The following GLIS3 variants were observed in gnomAD, a reference collection of about 807,000 sequenced individuals.
The protein encoded by GLIS3 is zinc finger protein GLIS3.
In GLIS3, 53 loss-of-function variants were observed where a neutral mutation model predicts 78.6. That is an observed-to-expected ratio of 0.67 (90% confidence interval 0.54 to 0.85). The LOEUF is 0.85. Among genes scored for constraint, GLIS3 ranks in the 40% least tolerant of loss-of-function variants. The pLI, the probability that GLIS3 is intolerant of heterozygous loss-of-function variation, is 0.00. For synonymous variants in GLIS3, 684 were observed against 509.9 expected, an observed-to-expected ratio of 1.34 and a Z score of -4.60; for missense variants, 1,703 against 1,231.1, an observed-to-expected ratio of 1.38 and a Z score of -5.74.
chr9:4,250,977 C>CAGTTTG (rs1554636352), intron 2 of GLIS3, among the ~76,000 whole-genome samples: 1 of 151,974 alleles, frequency 6.6e-6, no homozygotes, highest in Admixed American at 6.6e-5. Context: ...GTCTGGGAGA[C>CAGTTTG]TTATGATTTC....
intron 2 of GLIS3, among the ~76,000 whole-genome samples, chr9:4,176,630 T>A (rs1017975700): frequency 6.6e-6 from 1 of 152,188 alleles, no homozygotes; most frequent in Non-Finnish European, 1.5e-5. Context: ...CTTTTTCTCC[T>A]TTTTTATCTT....
chr9:4,215,241 A>G (rs954263653), intron 2 of GLIS3, among the ~76,000 whole-genome samples: 3 of 152,172 alleles, frequency 2.0e-5, no homozygotes, highest in Non-Finnish European at 4.4e-5. Flanking sequence ...AAAGTCTCCA[A>G]TTAAAACTGG....
intron 2 of GLIS3, among the ~76,000 whole-genome samples, chr9:4,192,321 G>A (rs1283407290): frequency 6.6e-6 from 1 of 152,140 alleles, no homozygotes; most frequent in Admixed American, 6.5e-5. Flanking sequence ...AAAATGAAAA[G>A]GTGACACCTC....
intron 2 of GLIS3, among the ~76,000 whole-genome samples, chr9:4,194,975 G>C (rs966872928): frequency 6.6e-6 from 1 of 151,950 alleles, no homozygotes; most frequent in Non-Finnish European, 1.5e-5. Flanking sequence ...AGCCACAAAG[G>C]CATTTTAGTC....
intron 7 of GLIS3, among the ~76,000 whole-genome samples, chr9:3,880,322 T>C (rs942459872): frequency 1.3e-5 from 2 of 152,230 alleles, no homozygotes; most frequent in African/African-American, 4.8e-5. Flanking sequence ...GAACGGTATG[T>C]GACCTCAAAC....
intron 2 of GLIS3, among the ~76,000 whole-genome samples, chr9:4,192,831 G>A (rs1208064630): frequency 6.6e-6 from 1 of 151,280 alleles, no homozygotes; most frequent in Non-Finnish European, 1.5e-5. Context: ...AGAAGAAGAA[G>A]AAAGGAAGAG....
chr9:4,337,757 A>T (rs964943282), intron 2 of GLIS3, among the ~76,000 whole-genome samples: 12 of 152,170 alleles, frequency 7.9e-5, no homozygotes, highest in African/African-American at 2.9e-4. Context: ...GTAGCATAAT[A>T]GTAGAGGTGG....
chr9:4,093,819 A>G (rs1241467480), intron 4 of GLIS3, among the ~76,000 whole-genome samples: 1 of 152,210 alleles, frequency 6.6e-6, no homozygotes, highest in East Asian at 1.9e-4. Flanking sequence ...ATTTAAGGCC[A>G]AACATGTATT....
chr9:4,382,774 C>G, the GLIS3 span, among the ~76,000 whole-genome samples: 1 of 152,282 alleles, frequency 6.6e-6, no homozygotes, highest in African/African-American at 2.4e-5. Flanking sequence ...AGATCAGGGC[C>G]TTTCCATTTC....
At chr9:4,397,325 G>A in the GLIS3 span, among the ~76,000 whole-genome samples, 4 of 151,500 alleles carry the variant, frequency 2.6e-5, no homozygotes, top group Admixed American at 6.6e-5. Flanking sequence ...ACACCCTGCC[G>A]TCAATCCATT....
chr9:3,889,365 G>C (rs923861235), intron 7 of GLIS3, among the ~76,000 whole-genome samples: 1 of 152,192 alleles, frequency 6.6e-6, no homozygotes, highest in African/African-American at 2.4e-5. Context: ...AGACCTATGA[G>C]TATTGGATAG....
chr9:4,134,473 T>C (rs1564099471), intron 2 of GLIS3, among the ~76,000 whole-genome samples: 1 of 152,196 alleles, frequency 6.6e-6, no homozygotes, highest in Non-Finnish European at 1.5e-5. Flanking sequence ...TTTGGTCATT[T>C]AGCAGAGTAA....
the GLIS3 span, among the ~76,000 whole-genome samples, chr9:4,432,685 G>T: frequency 7.0e-6 from 1 of 142,176 alleles, no homozygotes; most frequent in African/African-American, 2.7e-5. Flanking sequence ...CTGCCACCCA[G>T]GCTGGAGTGC....
At chr9:4,017,688 G>A (rs973447708) in intron 4 of GLIS3, among the ~76,000 whole-genome samples, 11 of 152,180 alleles carry the variant, frequency 7.2e-5, no homozygotes, top group Non-Finnish European at 1.6e-4. Flanking sequence ...ATAGAACCCA[G>A]GATGCATAGC....
chr9:4,288,898 T>C (rs1471238247), intron 1 of GLIS3, among the ~76,000 whole-genome samples: 1 of 151,950 alleles, frequency 6.6e-6, no homozygotes, highest in Non-Finnish European at 1.5e-5. Flanking sequence ...AACATGAAAA[T>C]ATGGCGAATA....
At chr9:4,291,283 T>A (rs562140717) in intron 1 of GLIS3, among the ~76,000 whole-genome samples, 1 of 152,090 alleles carries the variant, frequency 6.6e-6, no homozygotes, top group African/African-American at 2.4e-5. Flanking sequence ...GACAAATTAG[T>A]GTCCTCTGCA....
At chr9:4,168,395 G>C (rs182968641) in intron 2 of GLIS3, among the ~76,000 whole-genome samples, 1 of 152,222 alleles carries the variant, frequency 6.6e-6, no homozygotes, top group African/African-American at 2.4e-5. Flanking sequence ...CAAAGAAATG[G>C]ATAATGATCC....
intron 1 of GLIS3, among the ~76,000 whole-genome samples, chr9:4,288,942 T>G (rs1828224276): frequency 6.6e-6 from 1 of 152,172 alleles, no homozygotes; most frequent in African/African-American, 2.4e-5. Context: ...CCAACAGATT[T>G]CTCAAACATT....
chr9:3,990,868 T>C (rs761316896), intron 4 of GLIS3, among the ~76,000 whole-genome samples: 71 of 152,294 alleles, frequency 4.7e-4, no homozygotes, highest in African/African-American at 1.6e-3. Context: ...TTCCAAAATA[T>C]ACAGGTTCAT....
Sources: gnomAD v4.1 joint callset for allele counts (sites outside exome capture counted in the v4.1 genomes callset) on GRCh38, gnomAD v4.1.1 for gene constraint, MANE v1.5 for transcripts, NCBI Gene and HGNC (gene_info 2026-07-23, HGNC 2026-07-21) for gene names.